The following LMTK2 variants were observed in gnomAD, a reference collection of about 807,000 sequenced individuals.
The protein encoded by LMTK2 is serine/threonine-protein kinase LMTK2.
Under a neutral mutation model 127.5 loss-of-function variants are expected in LMTK2, and 37 were observed. The ratio of observed to expected loss-of-function variants is 0.29; its 90% CI spans 0.22 to 0.38. The LOEUF (loss-of-function observed/expected upper bound fraction) is 0.38. Among genes scored for constraint, LMTK2 ranks in the 10% least tolerant of loss-of-function variants. The pLI, the probability that LMTK2 is intolerant of heterozygous loss-of-function variation, is 1.00. For synonymous variants in LMTK2, 819 were observed against 810.1 expected, an observed-to-expected ratio of 1.01 and a Z score of -0.19; for missense variants, 1,694 against 1,920.3, an observed-to-expected ratio of 0.88 and a Z score of 2.20.
rs117689259 is a variant in LMTK2 at position 98,171,133 on chromosome 7, C to A, written c.658-408C>A. The stretch of plus-strand genomic sequence containing the variant: ...CCAAGCTTTGGCAGTAACCACGGCG[C>A]CTTCGTGATGAAGCGCTCACTGCCC... On this transcript the variant is annotated intron_variant, in intron 6 of 13. Coordinates refer to ENST00000297293, the MANE Select transcript of LMTK2 (RefSeq NM_014916.4). This position sits in a 1 kb window ranked among gnomAD's most constrained non-coding sequence, Gnocchi z 5.1. 3.5e-4 allele frequency among the ~76,000 whole-genome samples: 54 copies of A among 152,282 alleles called. No homozygotes were observed. In the East Asian group the frequency reaches 8.5e-3, roughly 24 times the overall value.
chr7:98,194,063 A>T lies in LMTK2; in HGVS notation c.3598A>T (p.Ser1200Cys), dbSNP rs1797585268. The T allele has an allele frequency of 6.2e-7, 1 of 1,614,014 alleles. No homozygotes were observed. The highest frequency in any genetic ancestry group is 1.1e-5 in the South Asian group (1 of 91,086). Residue 1200 changes from serine to cysteine, a missense_variant, in exon 11 of 14, where the codon AGT becomes TGT. Around this residue, in one of 8 missense-constraint regions of LMTK2, gnomAD observed 554 missense variants for 567.7 expected, o/e 0.98. Coordinates refer to ENST00000297293, the MANE Select transcript of LMTK2 (RefSeq NM_014916.4). The surrounding 1 kb of genome is among the most constrained non-coding windows in gnomAD (Gnocchi z 5.4). Reference protein sequence around the residue: ...QVHPTEDEASSPWSVLNAELS... With the variant: ...QVHPTEDEASCPWSVLNAELS... ...GCATCCCACGGAAGACGAGGCCAGC[A>T]GTCCCTGGAGTGTGCTGAATGCAGA... is the stretch of plus-strand genomic sequence containing the variant.
intron 7 of LMTK2, 137 bp from the exon 8 acceptor site, chr7:98,184,914 T>G (rs1797410240): frequency 1.7e-6 from 1 of 580,214 alleles, no homozygotes; most frequent in Admixed American, 2.8e-5. Flanking sequence ...AAAAGAATTT[T>G]GAGAGGTTAA....
chr7:98,139,854 C>G (rs1043715107), intron 2 of LMTK2, among the ~76,000 whole-genome samples: 1 of 152,094 alleles, frequency 6.6e-6, no homozygotes, highest in Admixed American at 6.6e-5. Flanking sequence ...ATAGACTGTT[C>G]AGTGGAGAAC....
Position 98,171,615 on chromosome 7 carries a change from G to A in LMTK2, c.732G>A (p.Arg244=), listed in dbSNP as rs55682759. ...RGDSQTMLLQ[R]MACEVAAGLA... is the part of the protein sequence containing the mutation. Reference sequence around the variant, plus strand: ...ACTCACAGACCATGCTGCTGCAGAGGATGGCGTGCGAGGTCGCCGCGGGGC... The same window carrying A: ...ACTCACAGACCATGCTGCTGCAGAGAATGGCGTGCGAGGTCGCCGCGGGGC... The change falls in exon 7 of 14, where the codon AGG becomes AGA. Residue 244 remains arginine (R), a synonymous_variant. Transcript: ENST00000297293. The surrounding 1 kb of genome is among the most constrained non-coding windows in gnomAD (Gnocchi z 5.1). 25 of 1,611,784 alleles carry A rather than the reference G, an allele frequency of 1.6e-5. No homozygotes were observed. Among genetic ancestry groups the A allele is most frequent in the Non-Finnish European group, 2.0e-5 (24 of 1,179,330 alleles).
At chr7:98,155,548 A>G (rs1796914963) in intron 5 of LMTK2, among the ~76,000 whole-genome samples, 1 of 152,232 alleles carries the variant, frequency 6.6e-6, no homozygotes, top group Non-Finnish European at 1.5e-5. Flanking sequence ...GCAGGGAGAC[A>G]GAAACAGCAC....
At chr7:98,191,592 T>C in intron 10 of LMTK2, 22 bp from the exon 11 acceptor site, 2 of 1,535,022 alleles carry the variant, frequency 1.3e-6, no homozygotes, top group Non-Finnish European at 1.7e-6. Context: ...GTTCCACTGA[T>C]TGCTTGTCGT....
chr7:98,109,593 A>G (rs1031114245), intron 1 of LMTK2, among the ~76,000 whole-genome samples: 1 of 151,816 alleles, frequency 6.6e-6, no homozygotes. Context: ...AATATACAAA[A>G]ATTAGCCGTG....
chr7:98,203,041 C>T (rs1156607333), intron 11 of LMTK2, among the ~76,000 whole-genome samples: 1 of 152,166 alleles, frequency 6.6e-6, no homozygotes, highest in African/African-American at 2.4e-5. Flanking sequence ...GCTTCATGGC[C>T]CTCAGGATTA....
At chr7:98,180,169 G>A (rs1223201966) in intron 7 of LMTK2, among the ~76,000 whole-genome samples, 1 of 152,190 alleles carries the variant, frequency 6.6e-6, no homozygotes, top group Admixed American at 6.5e-5. Flanking sequence ...AGCTGTTACC[G>A]AATTATATCG....
At chr7:98,197,876 A>T (rs144717619) in intron 11 of LMTK2, among the ~76,000 whole-genome samples, 4 of 152,236 alleles carry the variant, frequency 2.6e-5, no homozygotes, top group Admixed American at 6.5e-5. Context: ...AGGAATAAAC[A>T]TTCAGGGCTC....
In LMTK2 at chr7:98,204,048, T is replaced by A; in HGVS notation, c.4345T>A (p.Phe1449Ile). 1 of 1,613,970 alleles carries A rather than the reference T, an allele frequency of 6.2e-7. No individual in the cohort carries two copies. The highest frequency in any genetic ancestry group is 1.1e-5 in the South Asian group (1 of 91,064). Residue 1449 changes from phenylalanine (F) to isoleucine (I), a missense_variant, in exon 13 of 14, where the codon TTT (phenylalanine) becomes ATT (isoleucine). By Grantham distance (21) the Phe-to-Ile change is conservative (BLOSUM62 0). Coordinates refer to ENST00000297293, the MANE Select transcript of LMTK2 (RefSeq NM_014916.4). ...SKPSLQTSKY[F>I]SPPPPARSTE... ...GCCTTCTCTCCAAACATCCAAGTAC[T>A]TTTCTCCGCCGCCACCGGCCCGGAG...
chr7:98,193,375 G>C lies in LMTK2; in HGVS notation c.2910G>C (p.Ser970=). Residue 970 remains serine, a synonymous_variant, in exon 11 of 14, where the codon TCG becomes TCC. Transcript: ENST00000297293. This position sits in a 1 kb window ranked among gnomAD's most constrained non-coding sequence, Gnocchi z 4.1. ...CAGGCTTGGTGTCTGCCCTCTCCTC[G>C]GACTCAACCAGTCAGGACAGCCTCC... is the stretch of plus-strand genomic sequence containing the variant. ...KEAGLVSALS[S]DSTSQDSLLE... The C allele has an allele frequency of 6.2e-7, 1 of 1,614,084 alleles. No homozygotes were observed. The highest frequency in any genetic ancestry group is 8.5e-7 in the Non-Finnish European group (1 of 1,180,002).
intron 11 of LMTK2, among the ~76,000 whole-genome samples, chr7:98,195,465 A>G (rs1797611151): frequency 6.6e-6 from 1 of 151,252 alleles, no homozygotes; most frequent in Admixed American, 6.6e-5. Context: ...GGATAATTCA[A>G]GCATGCTTTA....
chr7:98,124,881 A>C (rs1166741134), intron 1 of LMTK2, among the ~76,000 whole-genome samples: 1 of 152,238 alleles, frequency 6.6e-6, no homozygotes, highest in African/African-American at 2.4e-5. Context: ...ACTGCCTGGA[A>C]CATTGTAAGC....
chr7:98,199,722 T>C (rs1392200730), intron 11 of LMTK2, among the ~76,000 whole-genome samples: 1 of 152,218 alleles, frequency 6.6e-6, no homozygotes, highest in Non-Finnish European at 1.5e-5. Context: ...CTCGAACTCC[T>C]GAGCTCAAGC....
chr7:98,158,877 C>T (rs1796970681), intron 5 of LMTK2, among the ~76,000 whole-genome samples: 1 of 152,052 alleles, frequency 6.6e-6, no homozygotes, highest in African/African-American at 2.4e-5. Flanking sequence ...AATATTATCT[C>T]CTAACTTAAA....
At chr7:98,187,348 A>G (rs1180878217) in intron 9 of LMTK2, among the ~76,000 whole-genome samples, 1 of 152,196 alleles carries the variant, frequency 6.6e-6, no homozygotes, top group East Asian at 1.9e-4. Flanking sequence ...TCATGTTTAT[A>G]CTATGATTTA....
chr7:98,192,652 A>G lies in LMTK2; in HGVS notation c.2187A>G (p.Lys729=), dbSNP rs369785604. The G allele has an allele frequency of 5.6e-6, 9 of 1,610,860 alleles. No individual in the cohort carries two copies. The African/African-American group carries it at 1.1e-4, about 19-fold the overall frequency. Residue 729 remains lysine, a synonymous_variant, in exon 11 of 14, where the codon AAA becomes AAG. Transcript: ENST00000297293. ...LSENFLFLQE[K]NLLKGSLSSK... is the part of the protein sequence containing the mutation. ...AAAACTTTTTATTTCTTCAAGAGAA[A>G]AACTTACTAAAAGGCTCATTGTCCA...
At chr7:98,185,720 T>G (rs1797422910) in intron 8 of LMTK2, among the ~76,000 whole-genome samples, 1 of 149,796 alleles carries the variant, frequency 6.7e-6, no homozygotes, top group South Asian at 2.1e-4. Context: ...GACCTCCATT[T>G]TCTTTTCCTT....
Sources: allele counts gnomAD v4.1 joint callset (sites outside exome capture counted in the v4.1 genomes callset), GRCh38; gene constraint gnomAD v4.1.1; regional missense constraint gnomAD v4.1.1; non-coding constraint Gnocchi (gnomAD v3.1); transcripts MANE v1.5; gene names NCBI Gene and HGNC (gene_info 2026-07-23, HGNC 2026-07-21).